The following RTRAF variants were observed in gnomAD, a reference collection of about 807,000 sequenced individuals.
RTRAF encodes tRNA-splicing ligase complex subunit RTRAF.
RTRAF carries 14 observed loss-of-function variants against 34.4 expected under a neutral mutation model. The observed-to-expected ratio is 0.41, with a 90% CI of 0.27 to 0.64. The LOEUF (loss-of-function observed/expected upper bound fraction) is 0.64, where lower values mean the gene tolerates loss of function less well. RTRAF is among the 30% of genes least tolerant of loss of function. The pLI, the probability that RTRAF is intolerant of heterozygous loss-of-function variation, is 0.34. For missense variants in RTRAF, 291 were observed against 288.4 expected (o/e 1.01, Z -0.06); for synonymous variants, 96 against 95.3 (o/e 1.01, Z -0.04).
Position 52,006,058 on chromosome 14 carries a change from T to A in RTRAF, c.*1542T>A. ...TGCATGTTAGAATCACATGATGAGC[T>A]ATCAAATCAGAGTTGTAGGGCATGG... On this transcript the variant is annotated 3_prime_UTR_variant, in exon 8 of 8. Transcript: ENST00000261700. 1.8e-6 allele frequency: 1 copy of A among 553,100 alleles called. No individual in the cohort carries two copies. The highest frequency in any genetic ancestry group is 3.1e-5 in the East Asian group (1 of 32,024). The allele number at this position is 553,100 out of a possible 1,614,324, so 34.3% of individuals were successfully genotyped here.
At position 51,989,568 on chromosome 14, in the gene RTRAF, T is replaced by C; in HGVS notation, c.-72T>C. 6.7e-7 allele frequency: 1 copy of C among 1,499,876 alleles called. No homozygotes were observed. The highest frequency in any genetic ancestry group is 9.0e-7 in the Non-Finnish European group (1 of 1,108,390). 92.9% of individuals were successfully genotyped at this position (1,499,876 alleles called of 1,614,324 possible). On this transcript the variant is annotated 5_prime_UTR_variant, in exon 1 of 8. Transcript: ENST00000261700. ...GCCCTCTCGCCGCGTCGCCGGTGCC[T>C]GCGCCTCCCGCTCCACCTCGCTTCT...
In RTRAF at chr14:52,004,541, C is replaced by T; in HGVS notation, c.*25C>T. On this transcript the variant is annotated 3_prime_UTR_variant, in exon 8 of 8. Coordinates refer to ENST00000261700, the MANE Select transcript of RTRAF (RefSeq NM_016039.3). Reference sequence around the variant, plus strand: ...AACACTTGAGGACTTCAGCTTCTCACCTACTTAGTACAGTTGGGAACCATA... The same window carrying T: ...AACACTTGAGGACTTCAGCTTCTCATCTACTTAGTACAGTTGGGAACCATA... 6.2e-7 allele frequency: 1 copy of T among 1,601,650 alleles called. No individual in the cohort carries two copies. Among genetic ancestry groups the T allele is most frequent in the Middle Eastern group, 2.0e-4 (1 of 4,892 alleles).
chr14:51,989,554 GC>G lies in RTRAF; in HGVS notation c.-85del. 1 of 1,424,544 alleles carries G rather than the reference GC, an allele frequency of 7.0e-7. No homozygotes were observed. The highest frequency in any genetic ancestry group is 9.6e-7 in the Non-Finnish European group (1 of 1,044,344). 88.2% of individuals were successfully genotyped at this position (1,424,544 alleles called of 1,614,324 possible). On this transcript the variant is annotated 5_prime_UTR_variant, in exon 1 of 8. Coordinates refer to ENST00000261700, the MANE Select transcript of RTRAF (RefSeq NM_016039.3). ...CTCAGCGCCTGCCCGCCCTCTCGCC[GC>G]GTCGCCGGTGCCTGCGCCTCCCGCT... is the stretch of plus-strand genomic sequence containing the variant.
Position 52,004,352 on chromosome 14 carries a change from C to G in RTRAF, c.581-10C>G, listed in dbSNP as rs201119834. 216 of 1,612,746 alleles carry G rather than the reference C, an allele frequency of 1.3e-4. 1 individual carries two copies. The African/African-American group carries it at 2.7e-3, about 20-fold the overall frequency. On this transcript the variant is annotated splice_polypyrimidine_tract_variant and intron_variant, in intron 7 of 7. Coordinates refer to ENST00000261700, the MANE Select transcript of RTRAF (RefSeq NM_016039.3). ...ATGTATTGAAGCAGTGTTCTTTTCT[C>G]ATAAAACAGATGCAGTTCTTAATGA...
chr14:51,990,692 T>G (rs1418992596), intron 1 of RTRAF, among the ~76,000 whole-genome samples: 1 of 152,212 alleles, frequency 6.6e-6, no homozygotes, highest in Non-Finnish European at 1.5e-5. Context: ...AAATGGGATA[T>G]TACCTACCTC....
Position 51,994,306 on chromosome 14 carries a change from T to C in RTRAF, c.286+484T>C, listed in dbSNP as rs537041238. 2.6e-5 allele frequency among the ~76,000 whole-genome samples: 4 copies of C among 152,354 alleles called. No homozygotes were observed. The South Asian group carries it at 8.3e-4, about 32-fold the overall frequency. ...ACCTATAGTAAAAACAATTTTTCTT[T>C]AAACGGGTGTTTTCTCTTATTAGAC... On this transcript the variant is annotated intron_variant, in intron 3 of 7. Transcript: ENST00000261700.
intron 2 of RTRAF, among the ~76,000 whole-genome samples, chr14:51,993,447 A>G (rs36001730): frequency 0.066 from 10,035 of 152,232 alleles, 408 homozygotes; most frequent in Middle Eastern, 0.14. Context: ...TTCTAGTCCC[A>G]GGTGTAAGTT....
chr14:52,006,775 A>AC lies in RTRAF; in HGVS notation c.*2260dup. On this transcript the variant is annotated 3_prime_UTR_variant, in exon 8 of 8. Transcript: ENST00000261700. ...GGAAATAGGATATTTTACTTCCATT[A>AC]CAGTCATAGATTAGCAACTGTAAAA... 1 of 1,148,902 alleles carries AC rather than the reference A, an allele frequency of 8.7e-7. No individual in the cohort carries two copies. The highest frequency in any genetic ancestry group is 1.3e-6 in the Non-Finnish European group (1 of 797,038). The allele number at this position is 1,148,902 out of a possible 1,614,324, so 71.2% of individuals were successfully genotyped here.
At chr14:51,991,557 A>G in intron 2 of RTRAF, 116 bp downstream of exon 2, 8 of 1,243,082 alleles carry the variant, frequency 6.4e-6, no homozygotes, top group Non-Finnish European at 7.8e-6. Flanking sequence ...AGTGTTAGGA[A>G]AGCTGGATTT....
Position 52,007,664 on chromosome 14 carries a change from A to T in RTRAF, c.*3148A>T. ...AAGTTCATTTTAAGACTCATTTACTAGTACTTAAATTTACTAGTACTTAAA... is the reference window on the plus strand; with the variant it reads ...AAGTTCATTTTAAGACTCATTTACTTGTACTTAAATTTACTAGTACTTAAA... On this transcript the variant is annotated 3_prime_UTR_variant, in exon 8 of 8. Transcript: ENST00000261700. 1 of 741,962 alleles carries T rather than the reference A, an allele frequency of 1.3e-6. No individual in the cohort carries two copies. The highest frequency in any genetic ancestry group is 2.3e-6 in the Non-Finnish European group (1 of 439,292). 46.0% of individuals were successfully genotyped at this position (741,962 alleles called of 1,614,324 possible).
At position 52,007,395 on chromosome 14, in the gene RTRAF, C is replaced by T; in HGVS notation, c.*2879C>T. Reference sequence around the variant, plus strand: ...CAAACAAATGTAGGTTGCTAATACCCATGTTATTACTGAAGGAAGCTACCC... The same window carrying T: ...CAAACAAATGTAGGTTGCTAATACCTATGTTATTACTGAAGGAAGCTACCC... On this transcript the variant is annotated 3_prime_UTR_variant, in exon 8 of 8. Transcript: ENST00000261700. 1 of 196,140 alleles carries T rather than the reference C, an allele frequency of 5.1e-6. No individual in the cohort carries two copies. The allele number at this position is 196,140 out of a possible 1,614,324, so 12.1% of individuals were successfully genotyped here. A position where few individuals can be genotyped will look rare whatever the true frequency, so the allele number is the denominator to read the frequency against.
chr14:51,989,778 C>G (rs1423782595), intron 1 of RTRAF, 78 bp downstream of exon 1: 3 of 1,421,240 alleles, frequency 2.1e-6, no homozygotes, highest in Non-Finnish European at 2.9e-6. Flanking sequence ...CACCCCACCT[C>G]CCCGTCGGGA....
intron 5 of RTRAF, among the ~76,000 whole-genome samples, chr14:52,001,549 G>A (rs533107193): frequency 1.3e-5 from 2 of 152,202 alleles, no homozygotes; most frequent in East Asian, 1.9e-4. Flanking sequence ...TACCAGTCAC[G>A]TGCATTACCT....
chr14:51,994,418 G>C (rs1890485078), intron 3 of RTRAF, among the ~76,000 whole-genome samples: 1 of 152,152 alleles, frequency 6.6e-6, no homozygotes, highest in Admixed American at 6.6e-5. Flanking sequence ...TTTTCGGTTA[G>C]TTACAGTCTT....
chr14:52,001,698 T>C (rs1184488087), intron 5 of RTRAF, 100 bp from the exon 6 acceptor site: 2 of 862,624 alleles, frequency 2.3e-6, no homozygotes, highest in African/African-American at 3.5e-5. Flanking sequence ...TAGGTAATTC[T>C]GACTTCATCA....
At chr14:51,996,333 C>A (rs989314492) in intron 3 of RTRAF, among the ~76,000 whole-genome samples, 1 of 152,002 alleles carries the variant, frequency 6.6e-6, no homozygotes. Context: ...CGGTAGGAGG[C>A]GCTGATGTTC....
rs779845978 is a variant in RTRAF, at chr14:52,004,181, TC to T, written c.532-12del. The T allele has an allele frequency of 1.2e-6, 2 of 1,606,968 alleles. No individual in the cohort carries two copies. The highest frequency in any genetic ancestry group is 8.5e-7 in the Non-Finnish European group (1 of 1,175,078). On this transcript the variant is annotated splice_polypyrimidine_tract_variant and intron_variant, in intron 6 of 7. Transcript: ENST00000261700. Reference sequence around the variant, plus strand: ...ACCATAAATACTCTCATTTTGTCTTTCTTTTTTTAAAGGGCTTACCTGTTGC... The same window carrying T: ...ACCATAAATACTCTCATTTTGTCTTTTTTTTTTAAAGGGCTTACCTGTTGC...
chr14:51,997,901 A>G (rs1487331122), intron 3 of RTRAF: 1 of 151,942 alleles, frequency 6.6e-6, no homozygotes, highest in Non-Finnish European at 1.5e-5. Context: ...TTACCTTCCT[A>G]AAATTTACAT....
rs776999049 is a variant in RTRAF at position 52,001,856 on chromosome 14, A to C, written c.521A>C (p.Gln174Pro). Residue 174 changes from glutamine to proline, a missense_variant, in exon 6 of 8, where the codon CAA becomes CCA. Gln to Pro is a moderately conservative substitution (Grantham distance 76). Transcript: ENST00000261700. ...CAGGATGCAGTTGCTAAGGCAAATC[A>C]AACAAAAGAGGTACGTTTCTATAAA... is the stretch of plus-strand genomic sequence containing the variant. ...LTQDAVAKAN[Q>P]TKEGLPVALD... 1 of 1,609,812 alleles carries C rather than the reference A, an allele frequency of 6.2e-7. No homozygotes were observed. The highest frequency in any genetic ancestry group is 8.5e-7 in the Non-Finnish European group (1 of 1,178,752).
Sources: allele counts gnomAD v4.1 joint callset (sites outside exome capture counted in the v4.1 genomes callset), GRCh38; gene constraint gnomAD v4.1.1; transcripts MANE v1.5; gene names NCBI Gene and HGNC (gene_info 2026-07-23, HGNC 2026-07-21).